The following OVOL1 variants were observed in gnomAD, a reference collection of about 807,000 sequenced individuals.
OVOL1 encodes the protein putative transcription factor Ovo-like 1.
Under a neutral mutation model 21.5 loss-of-function variants are expected in OVOL1, and 10 were observed. The ratio of observed to expected loss-of-function variants is 0.46; its 90% CI spans 0.29 to 0.79. The LOEUF is 0.79. OVOL1 is among the 30% of genes least tolerant of loss of function. The pLI is 0.10. For missense variants in OVOL1, 279 were observed against 362.3 expected (o/e 0.77, Z 1.87); for synonymous variants, 129 against 150.3 (o/e 0.86, Z 1.03).
At position 65,787,366 on chromosome 11, in the gene OVOL1, G is replaced by T; in HGVS notation, c.-8G>T. 6.3e-7 allele frequency: 1 copy of T among 1,575,088 alleles called. No individual in the cohort carries two copies. The highest frequency in any genetic ancestry group is 8.6e-7 in the Non-Finnish European group (1 of 1,160,866). The stretch of plus-strand genomic sequence containing the variant: ...AAGCGGCCCGTGTCCAGCGACGAGG[G>T]TTCGAAAATGCCCCGCGCGTTCCTG... On this transcript the variant is annotated 5_prime_UTR_variant, in exon 1 of 4. Transcript: ENST00000335987.
chr11:65,790,657 T>C (rs1355669595), intron 1 of OVOL1: 1 of 152,592 alleles, frequency 6.6e-6, no homozygotes, highest in Admixed American at 6.5e-5. Context: ...AGGAGATGTT[T>C]GCTGTGCTTG....
At chr11:65,787,622 C>A (rs1422763438) in intron 1 of OVOL1, 149 bp downstream of exon 1, 5 of 188,428 alleles carry the variant, frequency 2.7e-5, no homozygotes, top group Non-Finnish European at 5.0e-5. Flanking sequence ...TGGGTGGGCC[C>A]GCGGCTCTCG....
At chr11:65,794,801 C>CG in intron 3 of OVOL1, 74 bp downstream of exon 3, 1 of 1,453,558 alleles carries the variant, frequency 6.9e-7, no homozygotes, top group Non-Finnish European at 9.6e-7. Context: ...AAGTCCAGCA[C>CG]CCCCTGCTCT....
rs1170304850 is a variant in OVOL1, at chr11:65,796,162, T to A, written c.*821T>A. On this transcript the variant is annotated 3_prime_UTR_variant, in exon 4 of 4. Transcript: ENST00000335987. The stretch of plus-strand genomic sequence containing the variant: ...CTATTTATCCTGGACATTTCAAACC[T>A]CCTCTGTGCCTTGGCTCTGGGCGGG... 6.6e-6 allele frequency: 1 copy of A among 152,484 alleles called. No homozygotes were observed. Among genetic ancestry groups the A allele is most frequent in the Non-Finnish European group, 1.5e-5 (1 of 68,012 alleles). The allele number at this position is 152,484 out of a possible 1,614,324, so 9.4% of individuals were successfully genotyped here.
rs772949735 is a variant in OVOL1 at position 65,795,494 on chromosome 11, C to T, written c.*153C>T. ...TGCCTTGGTCTCCCCCCTGGGCACACGTGCTCACTCAGGCCCAGCAATGAC... is the reference window on the plus strand; with the variant it reads ...TGCCTTGGTCTCCCCCCTGGGCACATGTGCTCACTCAGGCCCAGCAATGAC... On this transcript the variant is annotated 3_prime_UTR_variant, in exon 4 of 4. Coordinates refer to ENST00000335987, the MANE Select transcript of OVOL1 (RefSeq NM_004561.4). This position sits in a 1 kb window ranked among gnomAD's most constrained non-coding sequence, Gnocchi z 5.7. 21 of 673,302 alleles carry T rather than the reference C, an allele frequency of 3.1e-5. No homozygotes were observed. The highest frequency in any genetic ancestry group is 1.6e-4 in the African/African-American group (9 of 55,518). The allele number at this position is 673,302 out of a possible 1,614,324, so 41.7% of individuals were successfully genotyped here.
Position 65,794,693 on chromosome 11 carries a change from C to G in OVOL1, c.474C>G (p.Thr158=), listed in dbSNP as rs1480292282. The G allele has an allele frequency of 2.5e-6, 4 of 1,613,654 alleles. No homozygotes were observed. The highest frequency in any genetic ancestry group is 3.4e-6 in the Non-Finnish European group (4 of 1,180,004). The change falls in exon 3 of 4, where the codon ACC becomes ACG. Residue 158 remains threonine (T), a synonymous_variant. Transcript: ENST00000335987. Reference sequence around the variant, plus strand: ...ACTGCGGGAAGGGCTTCAATGACACCTTCGACCTCAAGAGACACGTCCGAA... The same window carrying G: ...ACTGCGGGAAGGGCTTCAATGACACGTTCGACCTCAAGAGACACGTCCGAA... ...CTYCGKGFND[T]FDLKRHVRTH...
Position 65,794,214 on chromosome 11 carries a change from G to A in OVOL1, c.284G>A (p.Ser95Asn). The A allele has an allele frequency of 1.2e-6, 2 of 1,613,392 alleles. No individual in the cohort carries two copies. The highest frequency in any genetic ancestry group is 8.5e-7 in the Non-Finnish European group (1 of 1,180,024). ...EDMGHLTDPQ[S>N]RDHGFLRTKM... ...ATGGGCCACTTGACAGACCCCCAGA[G>A]CAGAGACCATGGCTTCCTGCGCACC... is the stretch of plus-strand genomic sequence containing the variant. Residue 95 changes from serine (S) to asparagine (N), a missense_variant, in exon 2 of 4, where the codon AGC (serine) becomes AAC (asparagine). Coordinates refer to ENST00000335987, the MANE Select transcript of OVOL1 (RefSeq NM_004561.4).
In OVOL1 at chr11:65,795,035, C is replaced by G; in HGVS notation, c.509-11C>G. 2 of 1,609,278 alleles carry G rather than the reference C, an allele frequency of 1.2e-6. No homozygotes were observed. Among genetic ancestry groups the G allele is most frequent in the Non-Finnish European group, 1.7e-6 (2 of 1,178,062 alleles). ...CCAGGTCTCTGATGCTGGCCCCTGT[C>G]CTCCCCACAGGCGTGCGGCCCTACA... On this transcript the variant is annotated splice_polypyrimidine_tract_variant and intron_variant, in intron 3 of 3. Coordinates refer to ENST00000335987, the MANE Select transcript of OVOL1 (RefSeq NM_004561.4). The surrounding 1 kb of genome is among the most constrained non-coding windows in gnomAD (Gnocchi z 5.7).
At chr11:65,794,294 G>T (rs1313005920) in intron 2 of OVOL1, 46 bp downstream of exon 2, 9 of 1,518,376 alleles carry the variant, frequency 5.9e-6, no homozygotes, top group Non-Finnish European at 6.4e-6. Flanking sequence ...CGTGCATGTA[G>T]ACCTGCGTCC....
At position 65,794,759 on chromosome 11, in the gene OVOL1, G is replaced by A. The variant is rs530760139; in HGVS notation, c.508+32G>A. ...GGAAGCCCACGGCTGGGAGGAGCAC[G>A]CCGGATCCGCCTGGCCGCGGCCGTG... On this transcript the variant is annotated intron_variant, in intron 3 of 3. Coordinates refer to ENST00000335987, the MANE Select transcript of OVOL1 (RefSeq NM_004561.4). 91 of 1,597,416 alleles carry A rather than the reference G, an allele frequency of 5.7e-5. 1 individual carries two copies. In the East Asian group the frequency reaches 1.9e-3, roughly 34 times the overall value.
chr11:65,788,117 A>G (rs1857940331), intron 1 of OVOL1, among the ~76,000 whole-genome samples: 1 of 152,210 alleles, frequency 6.6e-6, no homozygotes, highest in African/African-American at 2.4e-5. Flanking sequence ...CCCTTAAAGC[A>G]GAGGTGGGAT....
chr11:65,788,832 C>T (rs998145973), intron 1 of OVOL1: 10 of 985,496 alleles, frequency 1.0e-5, no homozygotes, highest in Non-Finnish European at 1.1e-5. Context: ...GGCCTCCCCA[C>T]CTGAGGCAGA....
chr11:65,787,477 A>C lies in OVOL1; in HGVS notation c.100+4A>C. 1 of 1,511,276 alleles carries C rather than the reference A, an allele frequency of 6.6e-7. No individual in the cohort carries two copies. Among genetic ancestry groups the C allele is most frequent in the Non-Finnish European group, 8.9e-7 (1 of 1,121,582 alleles). The allele number at this position is 1,511,276 out of a possible 1,614,324, so 93.6% of individuals were successfully genotyped here. ...CGCGGCGAGATCTACGTGCCAGGTG[A>C]GGCTCCAACCGCCCTCCGGCCTGGG... On this transcript the variant is annotated splice_donor_region_variant and intron_variant, in intron 1 of 3. Transcript: ENST00000335987.
chr11:65,793,569 GGCCAGCA>G (rs1426288773), intron 1 of OVOL1: 1 of 174,878 alleles, frequency 5.7e-6, no homozygotes, highest in East Asian at 1.8e-4. Flanking sequence ...AAACCCCCAA[GGCCAGCA>G]GCCAAATCTG....
chr11:65,788,343 A>AC (rs1857944808), intron 1 of OVOL1: 1 of 354,440 alleles, frequency 2.8e-6, no homozygotes, highest in Admixed American at 6.5e-5. Context: ...GAACACTCCT[A>AC]CCCCTTCTGT....
At chr11:65,791,883 C>G (rs1240580946) in intron 1 of OVOL1, among the ~76,000 whole-genome samples, 1 of 152,258 alleles carries the variant, frequency 6.6e-6, no homozygotes, top group African/African-American at 2.4e-5. Context: ...TTCCTGCCTC[C>G]TGCCACTCAG....
chr11:65,787,488 G>T lies in OVOL1; in HGVS notation c.100+15G>T, dbSNP rs1446431567. 1 of 1,472,364 alleles carries T rather than the reference G, an allele frequency of 6.8e-7. No individual in the cohort carries two copies. Among genetic ancestry groups the T allele is most frequent in the Non-Finnish European group, 9.1e-7 (1 of 1,097,926 alleles). The allele number at this position is 1,472,364 out of a possible 1,614,324, so 91.2% of individuals were successfully genotyped here. On this transcript the variant is annotated intron_variant, in intron 1 of 3. Transcript: ENST00000335987. ...CTACGTGCCAGGTGAGGCTCCAACC[G>T]CCCTCCGGCCTGGGGCACCCGCGGC...
intron 1 of OVOL1, chr11:65,788,538 GC>G (rs1857948893): frequency 2.0e-6 from 2 of 985,208 alleles, no homozygotes; most frequent in South Asian, 9.4e-5. Flanking sequence ...CCCTGGCACC[GC>G]CCCAGGCCTT....
At chr11:65,788,453 C>CGCCCA (rs1399743817) in intron 1 of OVOL1, 25 of 984,294 alleles carry the variant, frequency 2.5e-5, no homozygotes, top group Admixed American at 1.2e-4. Context: ...ACGCTCTGAA[C>CGCCCA]GCCCAGCCCA....
Sources: allele counts gnomAD v4.1 joint callset (sites outside exome capture counted in the v4.1 genomes callset), GRCh38; gene constraint gnomAD v4.1.1; non-coding constraint Gnocchi (gnomAD v3.1); transcripts MANE v1.5; gene names NCBI Gene and HGNC (gene_info 2026-07-23, HGNC 2026-07-21).